Variants in PRICKLE2 observed in about 807,000 individuals in gnomAD.
The protein encoded by PRICKLE2 is prickle-like protein 2.
Under a neutral mutation model 81.4 loss-of-function variants are expected in PRICKLE2, and 21 were observed. That is an observed-to-expected ratio of 0.26 (90% confidence interval 0.18 to 0.37). The LOEUF (loss-of-function observed/expected upper bound fraction) is 0.37, where lower values mean the gene tolerates loss of function less well. Among genes scored for constraint, PRICKLE2 ranks in the 10% least tolerant of loss-of-function variants. The pLI, the probability that PRICKLE2 is intolerant of heterozygous loss-of-function variation, is 1.00. For missense variants in PRICKLE2, 940 were observed against 1,109.0 expected (o/e 0.85, Z 2.16); for synonymous variants, 456 against 421.5 (o/e 1.08, Z -1.00).
At chr3:64,144,873 A>C (rs2077420163) in intron 7 of PRICKLE2, among the ~76,000 whole-genome samples, 1 of 152,166 alleles carries the variant, frequency 6.6e-6, no homozygotes, top group Non-Finnish European at 1.5e-5. Flanking sequence ...CGCAACATCG[A>C]ACTGCTATAA....
intron 1 of PRICKLE2, among the ~76,000 whole-genome samples, chr3:64,223,516 T>C (rs1365547317): frequency 6.6e-6 from 1 of 152,182 alleles, no homozygotes; most frequent in African/African-American, 2.4e-5. Context: ...ATTTCATGGG[T>C]AAATCTTTAT....
At chr3:64,228,060 C>G (rs2079053844), upstream of PRICKLE2, among the ~76,000 whole-genome samples, 1 of 152,134 alleles carries the variant, frequency 6.6e-6, no homozygotes, top group Non-Finnish European at 1.5e-5. Context: ...AAGAGGCGGG[C>G]TCCCTCTTCT....
At chr3:64,197,469 T>A (rs948047121) in intron 2 of PRICKLE2, among the ~76,000 whole-genome samples, 1 of 152,156 alleles carries the variant, frequency 6.6e-6, no homozygotes, top group African/African-American at 2.4e-5. Flanking sequence ...TTGTTTGAGT[T>A]CCTTATAGAG....
Position 64,224,939 on chromosome 3 carries a change from G to T in PRICKLE2, c.-70C>A. ...AGGGAGGATGAAATGCCCAGTCTCG[G>T]AGGAAGCTTCTGCCAGACCCTTGGA... On this transcript the variant is annotated 5_prime_UTR_variant, in exon 1 of 8. Coordinates refer to ENST00000638394, the MANE Select transcript of PRICKLE2 (RefSeq NM_198859.4). The T allele has an allele frequency of 1.0e-6, 1 of 985,286 alleles. No individual in the cohort carries two copies. Among genetic ancestry groups the T allele is most frequent in the Non-Finnish European group, 1.2e-6 (1 of 829,912 alleles). 61.0% of individuals were successfully genotyped at this position (985,286 alleles called of 1,614,324 possible).
chr3:64,154,147 A>G (rs2077589517), intron 5 of PRICKLE2: 1 of 152,286 alleles, frequency 6.6e-6, no homozygotes, highest in Admixed American at 6.5e-5. Context: ...AGACCATTCC[A>G]TGGGGAAAAG....
intron 1 of PRICKLE2, among the ~76,000 whole-genome samples, chr3:64,208,725 G>C (rs1249647142): frequency 6.6e-6 from 1 of 152,192 alleles, no homozygotes; most frequent in African/African-American, 2.4e-5. Context: ...TCTCTCAGCA[G>C]TCCTATAAAG....
At chr3:64,216,230 T>A (rs555008288) in intron 1 of PRICKLE2, among the ~76,000 whole-genome samples, 1 of 152,372 alleles carries the variant, frequency 6.6e-6, no homozygotes, top group African/African-American at 2.4e-5. Context: ...TTAGCAGTTT[T>A]AAACCTTTCG....
chr3:64,140,286 A>G (rs1024342401), intron 7 of PRICKLE2, among the ~76,000 whole-genome samples: 2 of 152,236 alleles, frequency 1.3e-5, no homozygotes, highest in East Asian at 3.9e-4. Flanking sequence ...ATACTGGTCT[A>G]CAGCCCATGC....
chr3:64,225,157 G>A lies in PRICKLE2; in HGVS notation c.-288C>T, dbSNP rs1324712251. ...AACAGCACTGCTGGATCCAGACTCT[G>A]CTGGGGAATTCACCAAGCAAGAGAA... On this transcript the variant is annotated 5_prime_UTR_variant, in exon 1 of 8. Coordinates refer to ENST00000638394, the MANE Select transcript of PRICKLE2 (RefSeq NM_198859.4). 2 of 985,388 alleles carry A rather than the reference G, an allele frequency of 2.0e-6. No homozygotes were observed. Among genetic ancestry groups the A allele is most frequent in the Non-Finnish European group, 2.4e-6 (2 of 829,986 alleles). 61.0% of individuals were successfully genotyped at this position (985,388 alleles called of 1,614,324 possible). A position where few individuals can be genotyped will look rare whatever the true frequency, so the allele number is the denominator to read the frequency against.
intron 2 of PRICKLE2, among the ~76,000 whole-genome samples, chr3:64,238,107 A>G (rs1049900349): frequency 1.3e-5 from 2 of 152,238 alleles, no homozygotes; most frequent in Non-Finnish European, 2.9e-5. Flanking sequence ...GGTCCAAACT[A>G]TAAGAAGCAG....
At chr3:64,128,072 G>T (rs1349242324) in intron 7 of PRICKLE2, among the ~76,000 whole-genome samples, 2 of 152,078 alleles carry the variant, frequency 1.3e-5, no homozygotes, top group Admixed American at 6.6e-5. Context: ...GCAGTTGGGG[G>T]TTGCTCCCAT....
At chr3:64,143,930 C>T (rs866217978) in intron 7 of PRICKLE2, among the ~76,000 whole-genome samples, 2 of 150,974 alleles carry the variant, frequency 1.3e-5, no homozygotes, top group Admixed American at 6.7e-5. Context: ...TCAGGCAAGG[C>T]GCTTAGTCAC....
Position 64,157,260 on chromosome 3 carries a change from G to A in PRICKLE2, c.502C>T (p.Leu168Phe), listed in dbSNP as rs2077650743. The change falls in exon 5 of 8, where the codon CTC becomes TTC. Residue 168 changes from leucine (L) to phenylalanine (F), a missense_variant. Leu to Phe is a conservative substitution (Grantham distance 22, BLOSUM62 0). Transcript: ENST00000638394. ...TAAAAGTAGATCAGATCCACCAGGA[G>A]CTCATTGCAGACAGTGCATACGAAG... The part of the protein sequence containing the change: ...PCFVCTVCNE[L>F]LVDLIYFYQD... The A allele has an allele frequency of 1.2e-6, 2 of 1,614,238 alleles. No individual in the cohort carries two copies. Among genetic ancestry groups the A allele is most frequent in the Non-Finnish European group, 1.7e-6 (2 of 1,180,044 alleles).
intron 2 of PRICKLE2, among the ~76,000 whole-genome samples, chr3:64,198,339 A>G (rs967871210): frequency 4.6e-5 from 7 of 152,174 alleles, no homozygotes; most frequent in African/African-American, 1.7e-4. Context: ...AAGAAATTTT[A>G]TGTGTCAGAG....
chr3:64,135,820 T>C (rs1156482411), intron 7 of PRICKLE2, among the ~76,000 whole-genome samples: 1 of 152,170 alleles, frequency 6.6e-6, no homozygotes, highest in Non-Finnish European at 1.5e-5. Context: ...GTGGAAACTA[T>C]TCTAGGTTAA....
At chr3:64,230,870 A>G (rs961910291) in intron 2 of PRICKLE2, among the ~76,000 whole-genome samples, 3 of 152,196 alleles carry the variant, frequency 2.0e-5, no homozygotes, top group Non-Finnish European at 4.4e-5. Context: ...ATTATTCTCC[A>G]CTTGGTTTCC....
chr3:64,159,311 G>T (rs895449288), intron 4 of PRICKLE2, among the ~76,000 whole-genome samples: 1 of 152,174 alleles, frequency 6.6e-6, no homozygotes, highest in African/African-American at 2.4e-5. Flanking sequence ...CCCTTTAAAT[G>T]GCTCTCGTTC....
intron 1 of PRICKLE2, among the ~76,000 whole-genome samples, chr3:64,203,813 C>CAAA (rs68190740): frequency 3.6e-4 from 51 of 140,292 alleles, no homozygotes; most frequent in Middle Eastern, 3.6e-3. Context: ...ACTAAAAATA[C>CAAA]AAAAAAAAAA....
intron 2 of PRICKLE2, among the ~76,000 whole-genome samples, chr3:64,165,970 G>GTGTGTGTT: frequency 1.8e-4 from 1 of 5,482 alleles, no homozygotes; most frequent in African/African-American, 5.2e-4. Context: ...AAAGGTGTGT[G>GTGTGTGTT]TGTGTGTGTG....
Sources: gnomAD v4.1 joint callset for allele counts (sites outside exome capture counted in the v4.1 genomes callset) on GRCh38, gnomAD v4.1.1 for gene constraint, MANE v1.5 for transcripts, NCBI Gene and HGNC (gene_info 2026-07-23, HGNC 2026-07-21) for gene names.